Variants in IGFL2 observed in about 807,000 individuals in gnomAD.
The protein encoded by IGFL2 is insulin growth factor-like family member 2.
Under a neutral mutation model 13.9 loss-of-function variants are expected in IGFL2, and 7 were observed. That is an observed-to-expected ratio of 0.51 (90% CI 0.29 to 0.95). The LOEUF (loss-of-function observed/expected upper bound fraction) is 0.95, where lower values mean the gene tolerates loss of function less well. Ranked by LOEUF, IGFL2 falls within the 40% of genes least tolerant of loss-of-function variation. IGFL2 has a pLI of 0.08. For synonymous variants in IGFL2, 55 were observed against 55.8 expected, an observed-to-expected ratio of 0.99 and a Z score of 0.07; for missense variants, 138 against 147.8, an observed-to-expected ratio of 0.93 and a Z score of 0.34.
At chr19:46,104,045 C>T in the IGFL2 span, among the ~76,000 whole-genome samples, 2 of 152,102 alleles carry the variant, frequency 1.3e-5, no homozygotes, top group Middle Eastern at 6.3e-3. Context: ...TTAACAAGAA[C>T]TTATCATCCA....
chr19:46,124,231 C>T, the IGFL2 span: 15 of 1,608,714 alleles, frequency 9.3e-6, 1 homozygote, highest in Non-Finnish European at 1.3e-5. Context: ...CCCAACACCA[C>T]CTCTTCCCTC....
chr19:46,180,111 A>G, the IGFL2 span, among the ~76,000 whole-genome samples: 1 of 151,600 alleles, frequency 6.6e-6, no homozygotes, highest in African/African-American at 2.4e-5. Flanking sequence ...ACTAGCCCTA[A>G]CTCCATCTTG....
At chr19:46,164,865 A>G (rs923480410), downstream of IGFL2, among the ~76,000 whole-genome samples, 2 of 152,192 alleles carry the variant, frequency 1.3e-5, no homozygotes, top group Non-Finnish European at 2.9e-5. Flanking sequence ...TGGGTGGTCA[A>G]TGTAGACAAA....
chr19:46,193,662 A>C, the IGFL2 span, among the ~76,000 whole-genome samples: 1 of 152,202 alleles, frequency 6.6e-6, no homozygotes, highest in Admixed American at 6.5e-5. Flanking sequence ...GAAGAAACAG[A>C]AATTTGCACT....
At chr19:46,093,116 T>C in the IGFL2 span, among the ~76,000 whole-genome samples, 2 of 152,178 alleles carry the variant, frequency 1.3e-5, no homozygotes, top group African/African-American at 4.8e-5. Context: ...TGCCTCTCTT[T>C]ATTGGTGATT....
At chr19:46,097,728 G>C in the IGFL2 span, among the ~76,000 whole-genome samples, 10 of 152,132 alleles carry the variant, frequency 6.6e-5, no homozygotes, top group Non-Finnish European at 1.3e-4. Context: ...ATTGTTTTTA[G>C]AGGACTTCTT....
the IGFL2 span, among the ~76,000 whole-genome samples, chr19:46,103,258 C>T: frequency 6.6e-6 from 1 of 151,660 alleles, no homozygotes; most frequent in Non-Finnish European, 1.5e-5. Context: ...ATACAGAGTC[C>T]CCTTTTTTTT....
chr19:46,166,448 A>T, the IGFL2 span, among the ~76,000 whole-genome samples: 1 of 152,216 alleles, frequency 6.6e-6, no homozygotes, highest in Non-Finnish European at 1.5e-5. Flanking sequence ...AAGTGGAGGC[A>T]GGGCGAGATC....
In IGFL2 at chr19:46,160,662, G is replaced by A; in HGVS notation, c.122G>A (p.Gly41Glu). ...CTGTGCCAGCCGGCACCCAGGTGTG[G>A]AGACAAGATCTACAACCCCTTGGAG... ...PWLCQPAPRCGDKIYNPLEQC... is the reference protein window; with the variant it reads ...PWLCQPAPRCEDKIYNPLEQC... Residue 41 changes from glycine (G) to glutamate (E), a missense_variant, in exon 3 of 4, where the codon GGA (glycine) becomes GAA (glutamate). Gly to Glu is a moderately conservative substitution (Grantham distance 98, BLOSUM62 -2). Coordinates refer to ENST00000377693, the MANE Select transcript of IGFL2 (RefSeq NM_001135113.2). 1.2e-6 allele frequency: 2 copies of A among 1,614,082 alleles called. No individual in the cohort carries two copies. The highest frequency in any genetic ancestry group is 1.7e-6 in the Non-Finnish European group (2 of 1,179,998).
the IGFL2 span, among the ~76,000 whole-genome samples, chr19:46,171,389 A>G: frequency 6.6e-6 from 1 of 152,106 alleles, no homozygotes; most frequent in African/African-American, 2.4e-5. Flanking sequence ...TGACAGAGAG[A>G]AGAAGCTATT....
chr19:46,176,764 C>T, the IGFL2 span, among the ~76,000 whole-genome samples: 6 of 152,272 alleles, frequency 3.9e-5, no homozygotes, highest in East Asian at 7.7e-4. Context: ...GTTGAGACTG[C>T]GATGTGACCG....
At chr19:46,154,929 C>T (rs2146861526) in intron 1 of IGFL2, among the ~76,000 whole-genome samples, 1 of 152,288 alleles carries the variant, frequency 6.6e-6, no homozygotes, top group East Asian at 1.9e-4. Context: ...CCTCCCTCTC[C>T]CCCGGGCAGA....
chr19:46,081,835 A>C, the IGFL2 span, among the ~76,000 whole-genome samples: 1 of 152,180 alleles, frequency 6.6e-6, no homozygotes, highest in Non-Finnish European at 1.5e-5. Flanking sequence ...TGTTTATCTA[A>C]GGGCTCACCC....
chr19:46,116,770 C>G, the IGFL2 span, among the ~76,000 whole-genome samples: 1 of 152,154 alleles, frequency 6.6e-6, no homozygotes, highest in African/African-American at 2.4e-5. Flanking sequence ...CTGGGAAAGT[C>G]ATACCAACCT....
At chr19:46,147,184 G>C (rs1253654273), upstream of IGFL2, among the ~76,000 whole-genome samples, 4 of 152,094 alleles carry the variant, frequency 2.6e-5, no homozygotes, top group Admixed American at 2.0e-4. Flanking sequence ...AGATTATGCT[G>C]CATCTTCACA....
At chr19:46,119,494 C>CCACTTTATTT in the IGFL2 span, among the ~76,000 whole-genome samples, 12 of 151,386 alleles carry the variant, frequency 7.9e-5, no homozygotes, top group African/African-American at 2.4e-4. Context: ...CCAGGGTATG[C>CCACTTTATTT]TGCTCTGGGG....
upstream of IGFL2, among the ~76,000 whole-genome samples, chr19:46,147,360 T>C (rs1333100246): frequency 1.3e-5 from 2 of 151,546 alleles, no homozygotes; most frequent in Non-Finnish European, 2.9e-5. Flanking sequence ...CTTGTCGGGG[T>C]CCCCTTAGTT....
At chr19:46,162,118 A>G (rs1291596748), downstream of IGFL2, among the ~76,000 whole-genome samples, 1 of 152,242 alleles carries the variant, frequency 6.6e-6, no homozygotes, top group African/African-American at 2.4e-5. Context: ...AGAATGTTGA[A>G]TATAGATCCC....
chr19:46,129,307 TTGTGTGTGTGTGTGTGTGTG>T, the IGFL2 span, among the ~76,000 whole-genome samples: 6 of 136,948 alleles, frequency 4.4e-5, no homozygotes, highest in East Asian at 8.4e-4. Context: ...TGTTGATCTT[TTGTGTGTGTGTGTGTGTGTG>T]TGTGTGTGTG....
Sources: allele counts gnomAD v4.1 joint callset (sites outside exome capture counted in the v4.1 genomes callset), GRCh38; gene constraint gnomAD v4.1.1; transcripts MANE v1.5; gene names NCBI Gene and HGNC (gene_info 2026-07-23, HGNC 2026-07-21).